The following SPRR2G variants were observed in gnomAD, a reference collection of about 807,000 sequenced individuals.
SPRR2G encodes the protein small proline rich protein 2G, also known as small proline-rich protein 2G.
A neutral mutation model predicts 0.7 loss-of-function variants in SPRR2G; 1 was observed. That is an observed-to-expected ratio of 1.49 (90% confidence interval 0.53 to 7.06). The LOEUF (loss-of-function observed/expected upper bound fraction) is 7.06. SPRR2G is among the 30% of genes most tolerant of loss of function. The pLI is 0.14. For synonymous variants in SPRR2G, 38 were observed against 33.9 expected (o/e 1.12, Z -0.42); for missense variants, 96 against 88.5 (o/e 1.09, Z -0.34).
the SPRR2G span, among the ~76,000 whole-genome samples, chr1:153,186,837 C>A: frequency 6.6e-6 from 1 of 152,098 alleles, no homozygotes; most frequent in Non-Finnish European, 1.5e-5. Flanking sequence ...TGGCTGGTAC[C>A]ATTTTTTCCT....
rs1415362035 is a variant in SPRR2G at position 153,149,853 on chromosome 1, CT to C, written c.*35del. 4 of 1,612,164 alleles carry C rather than the reference CT, an allele frequency of 2.5e-6. No individual in the cohort carries two copies. The highest frequency in any genetic ancestry group is 8.5e-7 in the Non-Finnish European group (1 of 1,178,354). On this transcript the variant is annotated 3_prime_UTR_variant, in exon 2 of 2. Coordinates refer to ENST00000368748, the MANE Select transcript of SPRR2G (RefSeq NM_001014291.4). ...CTGGGAGTAAGAAGAGCCACTGGAT[CT>C]TGTTGTTTCATGGTCCTGATGAATT...
At chr1:153,162,225 T>C in the SPRR2G span, among the ~76,000 whole-genome samples, 3 of 152,176 alleles carry the variant, frequency 2.0e-5, no homozygotes, top group African/African-American at 7.2e-5. Flanking sequence ...GTTCTCATCA[T>C]TTAGCTGTCA....
chr1:153,199,754 T>C, the SPRR2G span, among the ~76,000 whole-genome samples: 3 of 152,076 alleles, frequency 2.0e-5, no homozygotes, highest in Admixed American at 6.5e-5. Flanking sequence ...TTTATATAAA[T>C]AGAAGTAAGA....
the SPRR2G span, among the ~76,000 whole-genome samples, chr1:153,156,077 T>A: frequency 6.6e-6 from 1 of 152,234 alleles, no homozygotes; most frequent in Non-Finnish European, 1.5e-5. Context: ...GAGTACGTGC[T>A]AGATAAATAG....
In SPRR2G at chr1:153,149,661, A is replaced by G. The variant is rs1427180253; in HGVS notation, c.*228T>C. 3.3e-6 allele frequency: 2 copies of G among 611,286 alleles called. No homozygotes were observed. Among genetic ancestry groups the G allele is most frequent in the Non-Finnish European group, 2.9e-6 (1 of 347,880 alleles). 37.9% of individuals were successfully genotyped at this position (611,286 alleles called of 1,614,324 possible). On this transcript the variant is annotated 3_prime_UTR_variant, in exon 2 of 2. Coordinates refer to ENST00000368748, the MANE Select transcript of SPRR2G (RefSeq NM_001014291.4). ...ACTTGCTCTCAGGATAGGAACCACCATCTACATCACAGACAGCAAAGCGAG... is the reference window on the plus strand; with the variant it reads ...ACTTGCTCTCAGGATAGGAACCACCGTCTACATCACAGACAGCAAAGCGAG...
chr1:153,200,861 AGCTAATTT>A, the SPRR2G span, among the ~76,000 whole-genome samples: 8 of 152,012 alleles, frequency 5.3e-5, no homozygotes, highest in African/African-American at 1.9e-4. Context: ...CACCACGCCC[AGCTAATTT>A]GCTAATTTTT....
the SPRR2G span, among the ~76,000 whole-genome samples, chr1:153,177,384 T>C: frequency 6.6e-6 from 1 of 152,238 alleles, no homozygotes; most frequent in African/African-American, 2.4e-5. Context: ...TTCTTGGTCA[T>C]AGCATGGTTG....
chr1:153,181,936 TTAG>T, the SPRR2G span, among the ~76,000 whole-genome samples: 1 of 152,144 alleles, frequency 6.6e-6, no homozygotes, highest in African/African-American at 2.4e-5. Context: ...AAATAAATAC[TTAG>T]TAGTGGGATT....
chr1:153,183,058 CT>C, the SPRR2G span, among the ~76,000 whole-genome samples: 3 of 147,934 alleles, frequency 2.0e-5, no homozygotes, highest in African/African-American at 7.4e-5. Flanking sequence ...TGTTTCCTGA[CT>C]TTTTTTTTCT....
At chr1:153,185,166 C>G in the SPRR2G span, among the ~76,000 whole-genome samples, 2 of 152,026 alleles carry the variant, frequency 1.3e-5, no homozygotes, top group East Asian at 3.9e-4. Context: ...CTGAAATTTT[C>G]TTTTTTTGTT....
chr1:153,182,213 T>C, the SPRR2G span, among the ~76,000 whole-genome samples: 1 of 152,316 alleles, frequency 6.6e-6, no homozygotes, highest in South Asian at 2.1e-4. Flanking sequence ...TTGTATATCT[T>C]CTTTTTAGAA....
chr1:153,168,205 G>T, the SPRR2G span, among the ~76,000 whole-genome samples: 1 of 152,204 alleles, frequency 6.6e-6, no homozygotes. Context: ...GAAACACTCA[G>T]TTCCATAGAA....
chr1:153,189,087 G>C, the SPRR2G span, among the ~76,000 whole-genome samples: 1 of 152,180 alleles, frequency 6.6e-6, no homozygotes, highest in Admixed American at 6.5e-5. Flanking sequence ...GACCAGAGCT[G>C]TTCCTATTCA....
At chr1:153,160,207 G>A in the SPRR2G span, among the ~76,000 whole-genome samples, 4 of 151,966 alleles carry the variant, frequency 2.6e-5, no homozygotes, top group Non-Finnish European at 5.9e-5. Context: ...ATATCATCAA[G>A]GATCAAACAT....
the SPRR2G span, among the ~76,000 whole-genome samples, chr1:153,165,074 A>T: frequency 7.3e-3 from 1,119 of 152,280 alleles, 12 homozygotes; most frequent in African/African-American, 0.024. Context: ...GATGAATGAG[A>T]TGGTTCTACC....
At chr1:153,202,864 A>C in the SPRR2G span, among the ~76,000 whole-genome samples, 1 of 151,844 alleles carries the variant, frequency 6.6e-6, no homozygotes, top group Non-Finnish European at 1.5e-5. Context: ...TCCCATCGCC[A>C]CTCCTAACAC....
upstream of SPRR2G, among the ~76,000 whole-genome samples, chr1:153,154,416 A>G (rs1398938717): frequency 6.6e-6 from 1 of 152,054 alleles, no homozygotes. Context: ...AAAGTTTAAT[A>G]ATAATTTATT....
At chr1:153,189,436 C>A in the SPRR2G span, among the ~76,000 whole-genome samples, 1 of 151,634 alleles carries the variant, frequency 6.6e-6, no homozygotes, top group African/African-American at 2.4e-5. Flanking sequence ...ATAAAATATA[C>A]TTATATTTTA....
chr1:153,192,577 T>C, the SPRR2G span, among the ~76,000 whole-genome samples: 1 of 152,202 alleles, frequency 6.6e-6, no homozygotes, highest in Admixed American at 6.5e-5. Context: ...GTCAAGATTA[T>C]AGGTTCCTGG....
Sources: gnomAD v4.1 joint callset for allele counts (sites outside exome capture counted in the v4.1 genomes callset) on GRCh38, gnomAD v4.1.1 for gene constraint, MANE v1.5 for transcripts, NCBI Gene and HGNC (gene_info 2026-07-23, HGNC 2026-07-21) for gene names.